Variants in ESR2 observed in about 807,000 individuals in gnomAD.
The protein encoded by ESR2 is estrogen receptor 2, also known as estrogen receptor beta.
In ESR2, 36 loss-of-function variants were observed where a neutral mutation model predicts 49.6. The observed-to-expected ratio is 0.73, with a 90% confidence interval of 0.56 to 0.96. The LOEUF (loss-of-function observed/expected upper bound fraction) is 0.96, where lower values mean the gene tolerates loss of function less well. Ranked by LOEUF, ESR2 falls within the 40% of genes least tolerant of loss-of-function variation. The pLI, the probability that ESR2 is intolerant of heterozygous loss-of-function variation, is 0.00. For missense variants in ESR2, 714 were observed against 693.0 expected, an observed-to-expected ratio of 1.03 and a Z score of -0.34; for synonymous variants, 320 against 266.1, an observed-to-expected ratio of 1.20 and a Z score of -1.97.
intron 1 of ESR2, 61 bp from the exon 2 acceptor site, chr14:64,283,136 TA>T: frequency 4.5e-6 from 3 of 659,540 alleles, no homozygotes; most frequent in Non-Finnish European, 7.3e-6. Flanking sequence ...TATGAAAATT[TA>T]AATATTTTCA....
chr14:64,249,468 A>G, intron 7 of ESR2, 78 bp downstream of exon 7: 1 of 1,478,522 alleles, frequency 6.8e-7, no homozygotes, highest in Admixed American at 2.2e-5. Context: ...GAAGTTCAAC[A>G]TTCTTCTTAA....
intron 1 of ESR2, among the ~76,000 whole-genome samples, chr14:64,303,179 G>A (rs574512224): frequency 2.0e-5 from 3 of 152,310 alleles, no homozygotes; most frequent in Admixed American, 6.5e-5. Context: ...GGCCATGGTG[G>A]AATAACTACA....
At chr14:64,262,837 G>A (rs2076250154) in intron 4 of ESR2, among the ~76,000 whole-genome samples, 1 of 152,144 alleles carries the variant, frequency 6.6e-6, no homozygotes. Flanking sequence ...CTTGAACCTG[G>A]GAGGCAGAGG....
intron 1 of ESR2, among the ~76,000 whole-genome samples, chr14:64,324,025 A>G (rs894499359): frequency 9.9e-5 from 15 of 152,192 alleles, no homozygotes; most frequent in African/African-American, 3.4e-4. Context: ...GTGGTTGTTC[A>G]ATAAGTATTG....
intron 7 of ESR2, among the ~76,000 whole-genome samples, chr14:64,246,744 A>AAC (rs2075866244): frequency 1.4e-5 from 2 of 142,008 alleles, no homozygotes; most frequent in Admixed American, 7.4e-5. Flanking sequence ...CAAAAAAAAA[A>AAC]AAAAAAAAAA....
chr14:64,295,593 T>G (rs1471686843), upstream of ESR2, among the ~76,000 whole-genome samples: 2 of 152,156 alleles, frequency 1.3e-5, no homozygotes, highest in Non-Finnish European at 1.5e-5. Flanking sequence ...GAAGTTAGTT[T>G]GGACGGGAAG....
At chr14:64,310,282 C>CAAAAAAAAAAAAATAAA (rs35325527) in intron 1 of ESR2, among the ~76,000 whole-genome samples, 37 of 109,134 alleles carry the variant, frequency 3.4e-4, no homozygotes, top group African/African-American at 1.6e-3. Flanking sequence ...GACGTCGTCT[C>CAAAAAAAAAAAAATAAA]AAAAAATAAT....
chr14:64,243,287 C>A (rs1403290337), intron 7 of ESR2, among the ~76,000 whole-genome samples: 1 of 152,052 alleles, frequency 6.6e-6, no homozygotes, highest in East Asian at 1.9e-4. Flanking sequence ...TGTGGCACCC[C>A]AAAACAATTA....
chr14:64,271,019 CTT>C (rs1267410819), intron 3 of ESR2, among the ~76,000 whole-genome samples: 3 of 152,168 alleles, frequency 2.0e-5, no homozygotes, highest in Non-Finnish European at 4.4e-5. Flanking sequence ...TTCTATTACA[CTT>C]ATATTATTAA....
intron 1 of ESR2, among the ~76,000 whole-genome samples, chr14:64,287,078 C>T (rs921748169): frequency 6.6e-6 from 1 of 150,882 alleles, no homozygotes; most frequent in African/African-American, 2.4e-5. Context: ...ATAAAACTTA[C>T]CATCTTAGCC....
intron 1 of ESR2, among the ~76,000 whole-genome samples, chr14:64,318,354 T>C (rs915838010): frequency 1.3e-5 from 2 of 151,216 alleles, no homozygotes; most frequent in East Asian, 2.0e-4. Flanking sequence ...CTGACCAACA[T>C]AGTAAAACCC....
chr14:64,284,995 G>A (rs112641336), intron 1 of ESR2, among the ~76,000 whole-genome samples: 12,932 of 151,858 alleles, frequency 0.085, 1,169 homozygotes, highest in African/African-American at 0.21. Flanking sequence ...GATTATAGGC[G>A]CCCGCCACCA....
At chr14:64,253,175 A>C (rs1409592108) in intron 6 of ESR2, among the ~76,000 whole-genome samples, 3 of 151,854 alleles carry the variant, frequency 2.0e-5, no homozygotes, top group Non-Finnish European at 4.4e-5. Context: ...TCTTTATAAA[A>C]TAAGAATATT....
At chr14:64,280,299 C>A (rs2076639313) in intron 2 of ESR2, 146 bp from the exon 3 acceptor site, 6 of 647,300 alleles carry the variant, frequency 9.3e-6, no homozygotes. Flanking sequence ...AAATCTGATA[C>A]AGCAAAGCTT....
At chr14:64,234,861 G>A in intron 8 of ESR2, 109 bp downstream of exon 8, 1 of 1,522,482 alleles carries the variant, frequency 6.6e-7, no homozygotes, top group Non-Finnish European at 8.8e-7. Context: ...TTCCCTTTCA[G>A]GCATTCATTT....
chr14:64,243,653 G>A (rs2075788983), intron 7 of ESR2, among the ~76,000 whole-genome samples: 1 of 152,150 alleles, frequency 6.6e-6, no homozygotes, highest in East Asian at 1.9e-4. Flanking sequence ...CCACTACTGA[G>A]GCAATACCCT....
intron 6 of ESR2, 90 bp from the exon 7 acceptor site, chr14:64,249,769 T>G: frequency 7.4e-7 from 1 of 1,343,068 alleles, no homozygotes; most frequent in Admixed American, 2.1e-5. Flanking sequence ...AATCTCAAGT[T>G]TCATCTTGTA....
At chr14:64,287,910 A>T (rs1331308114) in intron 1 of ESR2, among the ~76,000 whole-genome samples, 1 of 152,226 alleles carries the variant, frequency 6.6e-6, no homozygotes, top group Non-Finnish European at 1.5e-5. Context: ...ACAGGAAAAA[A>T]TTGTCTCTAA....
At chr14:64,311,903 G>A (rs2140882804) in intron 1 of ESR2, among the ~76,000 whole-genome samples, 1 of 152,200 alleles carries the variant, frequency 6.6e-6, no homozygotes, top group Admixed American at 6.5e-5. Flanking sequence ...AAGGAATCTT[G>A]GAACATCAGG....
Sources: allele counts gnomAD v4.1 joint callset (sites outside exome capture counted in the v4.1 genomes callset), GRCh38; gene constraint gnomAD v4.1.1; transcripts MANE v1.5; gene names NCBI Gene and HGNC (gene_info 2026-07-23, HGNC 2026-07-21).